Variants in HDAC9 observed in about 807,000 individuals in gnomAD.
HDAC9 encodes MEF-2 interacting transcription repressor (MITR) protein.
HDAC9 carries 41 observed loss-of-function variants against 139.4 expected under a neutral mutation model. That is an observed-to-expected ratio of 0.29 (90% CI 0.23 to 0.38). HDAC9 has a LOEUF of 0.38. Ranked by LOEUF, HDAC9 falls within the 10% of genes least tolerant of loss-of-function variation. The pLI, the probability that HDAC9 is intolerant of heterozygous loss-of-function variation, is 1.00. For missense variants in HDAC9, 1,147 were observed against 1,297.0 expected, an observed-to-expected ratio of 0.88 and a Z score of 1.78; for synonymous variants, 517 against 476.2, an observed-to-expected ratio of 1.09 and a Z score of -1.12.
chr7:18,904,844 G>C (rs938768087), intron 22 of HDAC9, among the ~76,000 whole-genome samples: 6 of 151,766 alleles, frequency 4.0e-5, no homozygotes, highest in Non-Finnish European at 8.8e-5. Flanking sequence ...CAAAGTGCTG[G>C]GATTACAGGC....
intron 2 of HDAC9, among the ~76,000 whole-genome samples, chr7:18,253,529 T>C (rs1269910294): frequency 6.6e-6 from 1 of 152,206 alleles, no homozygotes; most frequent in Non-Finnish European, 1.5e-5. Flanking sequence ...TTTCATATGC[T>C]TGTTGGCCAC....
chr7:18,383,550 A>G (rs1353964137), intron 1 of HDAC9, among the ~76,000 whole-genome samples: 1 of 152,202 alleles, frequency 6.6e-6, no homozygotes, highest in Non-Finnish European at 1.5e-5. Flanking sequence ...ACTTCACATT[A>G]TATACTGAAA....
intron 2 of HDAC9, among the ~76,000 whole-genome samples, chr7:18,567,519 C>T (rs1004746768): frequency 6.6e-6 from 1 of 152,122 alleles, no homozygotes; most frequent in African/African-American, 2.4e-5. Context: ...GAATATTCTA[C>T]TGGTCTAATC....
chr7:18,875,595 A>G (rs978370229), intron 22 of HDAC9, among the ~76,000 whole-genome samples: 3 of 152,172 alleles, frequency 2.0e-5, no homozygotes, highest in Non-Finnish European at 4.4e-5. Flanking sequence ...AACATGTATT[A>G]TTTACCCAGG....
chr7:18,240,773 C>A (rs1217136125), intron 2 of HDAC9, among the ~76,000 whole-genome samples: 1 of 152,176 alleles, frequency 6.6e-6, no homozygotes, highest in African/African-American at 2.4e-5. Flanking sequence ...TCTGTAAAAA[C>A]CCTCTTCCTT....
At chr7:18,183,076 C>T (rs1177933833) in intron 2 of HDAC9, among the ~76,000 whole-genome samples, 1 of 150,806 alleles carries the variant, frequency 6.6e-6, no homozygotes, top group Non-Finnish European at 1.5e-5. Flanking sequence ...GTGGCGCAAT[C>T]TCGGCTCACT....
intron 1 of HDAC9, among the ~76,000 whole-genome samples, chr7:18,161,253 G>A (rs1449674819): frequency 6.6e-6 from 1 of 152,098 alleles, no homozygotes; most frequent in African/African-American, 2.4e-5. Flanking sequence ...AGGTATTCTT[G>A]GTGATGTTAT....
At chr7:18,561,884 A>G (rs1451335153) in intron 2 of HDAC9, among the ~76,000 whole-genome samples, 2 of 152,256 alleles carry the variant, frequency 1.3e-5, no homozygotes, top group Admixed American at 6.5e-5. Flanking sequence ...TTTGGCTACT[A>G]TGAAGAATAC....
chr7:18,129,400 C>T (rs1335926689), intron 1 of HDAC9, among the ~76,000 whole-genome samples: 5 of 152,104 alleles, frequency 3.3e-5, no homozygotes, highest in Non-Finnish European at 5.9e-5. Context: ...GTTTTATTCA[C>T]CTTTTAAGTT....
intron 13 of HDAC9, among the ~76,000 whole-genome samples, chr7:18,733,405 T>A (rs1388295787): frequency 1.3e-5 from 2 of 150,778 alleles, no homozygotes; most frequent in Non-Finnish European, 3.0e-5. Flanking sequence ...CATATTAGAA[T>A]AGAGAGACTA....
At chr7:18,849,688 T>C (rs17140149) in intron 21 of HDAC9, among the ~76,000 whole-genome samples, 3 of 152,214 alleles carry the variant, frequency 2.0e-5, no homozygotes, top group Admixed American at 6.5e-5. Flanking sequence ...TATTCATAAC[T>C]ACATTTTGCT....
intron 17 of HDAC9, among the ~76,000 whole-genome samples, chr7:18,824,087 G>GAAGAAGAAGAAGAAGAAGAAGAAC (rs1331001570): frequency 2.9e-4 from 43 of 147,460 alleles, no homozygotes; most frequent in East Asian, 8.1e-4. Flanking sequence ...AGAAGAAGAA[G>GAAGAAGAAGAAGAAGAAGAAGAAC]AACAAGAACA....
chr7:18,708,819 G>A (rs1784129060), intron 12 of HDAC9, among the ~76,000 whole-genome samples: 1 of 152,090 alleles, frequency 6.6e-6, no homozygotes, highest in African/African-American at 2.4e-5. Context: ...TGAAAACACA[G>A]TTTCTTATCA....
At chr7:18,643,471 T>C (rs1786370680) in intron 8 of HDAC9, among the ~76,000 whole-genome samples, 1 of 152,158 alleles carries the variant, frequency 6.6e-6, no homozygotes, top group South Asian at 2.1e-4. Context: ...CATTTAACCT[T>C]GTGCTCTTAT....
At chr7:18,232,621 C>G (rs1340244195) in intron 2 of HDAC9, among the ~76,000 whole-genome samples, 2 of 152,170 alleles carry the variant, frequency 1.3e-5, no homozygotes, top group Non-Finnish European at 1.5e-5. Flanking sequence ...ATTCTTGTAT[C>G]TCTATTGCTC....
intron 2 of HDAC9, chr7:18,502,501 C>A (rs948535927): frequency 1.3e-5 from 2 of 152,136 alleles, no homozygotes; most frequent in South Asian, 2.1e-4. Context: ...TAAGAAGTTT[C>A]TTCTTTGCAA....
intron 1 of HDAC9, among the ~76,000 whole-genome samples, chr7:18,467,310 C>T (rs1221000677): frequency 6.6e-6 from 1 of 152,098 alleles, no homozygotes; most frequent in African/African-American, 2.4e-5. Flanking sequence ...AGTCATTGAC[C>T]TATTAATGCT....
At chr7:18,891,362 G>A (rs1374281666) in intron 22 of HDAC9, among the ~76,000 whole-genome samples, 1 of 152,158 alleles carries the variant, frequency 6.6e-6, no homozygotes, top group Non-Finnish European at 1.5e-5. Context: ...TACTTGGGAT[G>A]GTTCCAGGAA....
intron 1 of HDAC9, among the ~76,000 whole-genome samples, chr7:18,352,545 G>C (rs937884534): frequency 6.6e-6 from 1 of 152,096 alleles, no homozygotes; most frequent in African/African-American, 2.4e-5. Context: ...GGAGCTCCAG[G>C]TACCTTTAAA....
Sources: allele counts gnomAD v4.1 joint callset (sites outside exome capture counted in the v4.1 genomes callset), GRCh38; gene constraint gnomAD v4.1.1; transcripts MANE v1.5; gene names NCBI Gene and HGNC (gene_info 2026-07-23, HGNC 2026-07-21).